ITPK1: variants seen among roughly 807,000 people sequenced by gnomAD.
The protein encoded by ITPK1 is inositol 1,3,4-trisphosphate 5/6-kinase.
A neutral mutation model predicts 45.3 loss-of-function variants in ITPK1; 21 were observed. That is an observed-to-expected ratio of 0.46 (90% CI 0.33 to 0.67). The LOEUF (loss-of-function observed/expected upper bound fraction) is 0.67. Ranked by LOEUF, ITPK1 falls within the 30% of genes least tolerant of loss-of-function variation. The pLI, the probability that ITPK1 is intolerant of heterozygous loss-of-function variation, is 0.02. For synonymous variants in ITPK1, 258 were observed against 253.6 expected (o/e 1.02, Z -0.16); for missense variants, 474 against 573.5 (o/e 0.83, Z 1.77).
At chr14:93,112,930 G>A (rs1034354083) in intron 2 of ITPK1, among the ~76,000 whole-genome samples, 38 of 152,096 alleles carry the variant, frequency 2.5e-4, no homozygotes, top group African/African-American at 8.9e-4. Flanking sequence ...AACCTCACGG[G>A]GCTCCCTGGT....
chr14:93,026,003 G>A (rs550274957), intron 3 of ITPK1, among the ~76,000 whole-genome samples: 183 of 152,212 alleles, frequency 1.2e-3, no homozygotes, highest in African/African-American at 4.0e-3. Context: ...TGCACACCAC[G>A]CCCACGCCTG....
At chr14:92,957,907 G>C (rs779480209) in intron 8 of ITPK1, among the ~76,000 whole-genome samples, 1 of 152,212 alleles carries the variant, frequency 6.6e-6, no homozygotes, top group Non-Finnish European at 1.5e-5. Flanking sequence ...TATCATTATT[G>C]TGTGGGTCCC....
At chr14:92,994,058 C>T in intron 4 of ITPK1, 61 bp from the exon 5 acceptor site, 2 of 1,046,026 alleles carry the variant, frequency 1.9e-6, no homozygotes, top group Non-Finnish European at 3.0e-6. Context: ...CAACTCACCC[C>T]TCGCGCCCTC....
intron 5 of ITPK1, among the ~76,000 whole-genome samples, chr14:92,977,336 T>C (rs1229610730): frequency 1.3e-5 from 2 of 151,868 alleles, no homozygotes; most frequent in African/African-American, 4.8e-5. Flanking sequence ...GAAAGAAGAG[T>C]AGAGAATACT....
chr14:93,026,575 T>C (rs1173444665), intron 3 of ITPK1, among the ~76,000 whole-genome samples: 1 of 152,222 alleles, frequency 6.6e-6, no homozygotes, highest in Admixed American at 6.5e-5. Context: ...TCCATCACAA[T>C]ATAAATGCAT....
intron 3 of ITPK1, among the ~76,000 whole-genome samples, chr14:93,048,499 C>A (rs2139925157): frequency 6.6e-6 from 1 of 152,332 alleles, no homozygotes; most frequent in African/African-American, 2.4e-5. Context: ...TTTCAAGTTT[C>A]TATTCTGCCA....
At chr14:93,083,905 A>G (rs372050165) in intron 2 of ITPK1, among the ~76,000 whole-genome samples, 13 of 151,800 alleles carry the variant, frequency 8.6e-5, no homozygotes, top group Admixed American at 5.9e-4. Flanking sequence ...AGGCTGCTGG[A>G]CTCCATTGCA....
chr14:93,085,138 A>C (rs1891597361), intron 2 of ITPK1, among the ~76,000 whole-genome samples: 2 of 152,246 alleles, frequency 1.3e-5, no homozygotes, highest in Admixed American at 1.3e-4. Context: ...TTGTTTGGTA[A>C]TTTGGATTTT....
chr14:93,107,760 A>T (rs1892583828), intron 2 of ITPK1, among the ~76,000 whole-genome samples: 1 of 152,194 alleles, frequency 6.6e-6, no homozygotes, highest in Non-Finnish European at 1.5e-5. Flanking sequence ...CCGAACCCTA[A>T]AAATGGCTGT....
At chr14:92,996,328 C>A (rs1887054749) in intron 4 of ITPK1, among the ~76,000 whole-genome samples, 1 of 151,818 alleles carries the variant, frequency 6.6e-6, no homozygotes, top group Non-Finnish European at 1.5e-5. Flanking sequence ...CAAACTATTG[C>A]GAGGACAGAA....
intron 5 of ITPK1, among the ~76,000 whole-genome samples, chr14:92,985,839 A>G (rs1886461964): frequency 6.6e-6 from 1 of 152,160 alleles, no homozygotes; most frequent in Non-Finnish European, 1.5e-5. Context: ...GAGAGCTCCC[A>G]TCTATTGAGG....
intron 3 of ITPK1, among the ~76,000 whole-genome samples, chr14:93,043,891 A>C (rs73332194): frequency 2.6e-5 from 4 of 152,018 alleles, no homozygotes; most frequent in African/African-American, 4.8e-5. Context: ...TCTGGCTTCA[A>C]CTCTGTTCCT....
chr14:93,056,796 A>ATC (rs1890232034), intron 3 of ITPK1, among the ~76,000 whole-genome samples: 1 of 152,236 alleles, frequency 6.6e-6, no homozygotes, highest in Non-Finnish European at 1.5e-5. Flanking sequence ...ACAAATAAAG[A>ATC]TGTACTATAG....
chr14:92,963,829 C>A (rs1158633006), intron 5 of ITPK1, among the ~76,000 whole-genome samples: 1 of 152,164 alleles, frequency 6.6e-6, no homozygotes, highest in Non-Finnish European at 1.5e-5. Flanking sequence ...TTGTCATTGT[C>A]CCCCTTCCCT....
At chr14:93,077,214 G>A (rs966415074) in intron 2 of ITPK1, among the ~76,000 whole-genome samples, 6 of 152,152 alleles carry the variant, frequency 3.9e-5, no homozygotes, top group African/African-American at 1.4e-4. Flanking sequence ...CGGCCACCAC[G>A]TAACCTGACT....
At chr14:92,959,146 AG>A (rs1334070374) in intron 7 of ITPK1, among the ~76,000 whole-genome samples, 1 of 152,176 alleles carries the variant, frequency 6.6e-6, no homozygotes, top group Non-Finnish European at 1.5e-5. Flanking sequence ...TAGGGAGTGC[AG>A]GGGGGCAGCT....
In ITPK1 at chr14:92,941,537, C is replaced by T. The variant is rs768358259; in HGVS notation, c.*24G>A. On this transcript the variant is annotated 3_prime_UTR_variant, in exon 11 of 11. Transcript: ENST00000267615. ...CGGGTGTGCTCTGCGCCCTGCGCTG[C>T]CCCTCTGGGTCCCGGCTCCGTGGCT... 3.0e-5 allele frequency: 45 copies of T among 1,514,028 alleles called. No individual in the cohort carries two copies. Among genetic ancestry groups the T allele is most frequent in the Non-Finnish European group, 3.7e-5 (42 of 1,137,958 alleles). 93.8% of individuals were successfully genotyped at this position (1,514,028 alleles called of 1,614,324 possible).
Position 92,938,404 on chromosome 14 carries a change from T to A in ITPK1, c.*3157A>T. 9.1e-7 allele frequency: 1 copy of A among 1,100,686 alleles called. No homozygotes were observed. The highest frequency in any genetic ancestry group is 1.4e-6 in the Non-Finnish European group (1 of 713,642). The allele number at this position is 1,100,686 out of a possible 1,614,324, so 68.2% of individuals were successfully genotyped here. A position where few individuals can be genotyped will look rare whatever the true frequency, so the allele number is the denominator to read the frequency against. Reference sequence around the variant, plus strand: ...CTAGAAGGACAAACGACAGGCTGGCTCCCTTGGTCTTGGGGTGGCTGTCTG... The same window carrying A: ...CTAGAAGGACAAACGACAGGCTGGCACCCTTGGTCTTGGGGTGGCTGTCTG... On this transcript the variant is annotated 3_prime_UTR_variant, in exon 11 of 11. Coordinates refer to ENST00000267615, the MANE Select transcript of ITPK1 (RefSeq NM_014216.6).
intron 5 of ITPK1, among the ~76,000 whole-genome samples, chr14:92,969,547 G>A (rs1250579806): frequency 6.6e-6 from 1 of 152,132 alleles, no homozygotes; most frequent in Non-Finnish European, 1.5e-5. Context: ...GGCAGGTGGC[G>A]CCCAGGTGCA....
Sources: gnomAD v4.1 joint callset for allele counts (sites outside exome capture counted in the v4.1 genomes callset) on GRCh38, gnomAD v4.1.1 for gene constraint, MANE v1.5 for transcripts, NCBI Gene and HGNC (gene_info 2026-07-23, HGNC 2026-07-21) for gene names.